Variants in GPM6A observed in about 807,000 individuals in gnomAD.
GPM6A encodes the protein neuronal membrane glycoprotein M6-a.
In GPM6A, 7 loss-of-function variants were observed where a neutral mutation model predicts 32.1. That is an observed-to-expected ratio of 0.22 (90% CI 0.12 to 0.41). GPM6A has a LOEUF of 0.41. Among genes scored for constraint, GPM6A ranks in the 10% least tolerant of loss-of-function variants. The probability of loss-of-function intolerance (pLI) is 1.00; values close to 1 mark genes in which losing one functional copy is unlikely to be tolerated. For synonymous variants in GPM6A, 130 were observed against 123.4 expected, an observed-to-expected ratio of 1.05 and a Z score of -0.35; for missense variants, 235 against 347.2, an observed-to-expected ratio of 0.68 and a Z score of 2.57.
chr4:175,856,068 G>GA (rs1381272864), intron 1 of GPM6A, among the ~76,000 whole-genome samples: 6 of 151,888 alleles, frequency 4.0e-5, no homozygotes, highest in Admixed American at 3.9e-4. Context: ...TTTAGTTCAA[G>GA]AAAAAAGGAA....
rs139098334 is a variant in GPM6A at position 175,848,304 on chromosome 4, A to G, written c.-22-36055T>C. Among the ~76,000 whole-genome samples the G allele has an allele frequency of 2.8e-3, 424 of 152,322 alleles. 1 individual carries two copies. The highest frequency in any genetic ancestry group is 9.9e-3 in the African/African-American group (411 of 41,580). On this transcript the variant is annotated intron_variant, in intron 1 of 7. Transcript: ENST00000280187. Reference sequence around the variant, plus strand: ...CCCCTAATGAAAAGCCTTTTCCAACATAACTATCTTTCCATTTACCTCTGA... The same window carrying G: ...CCCCTAATGAAAAGCCTTTTCCAACGTAACTATCTTTCCATTTACCTCTGA...
intron 1 of GPM6A, among the ~76,000 whole-genome samples, chr4:175,744,734 T>G (rs111937019): frequency 1.3e-5 from 2 of 152,152 alleles, no homozygotes; most frequent in African/African-American, 4.8e-5. Flanking sequence ...AGATAAACAT[T>G]GAAACCTTCA....
chr4:175,991,617 T>C (rs1741148463), intron 1 of GPM6A, among the ~76,000 whole-genome samples: 1 of 152,174 alleles, frequency 6.6e-6, no homozygotes, highest in Admixed American at 6.5e-5. Flanking sequence ...CTACTAAATA[T>C]AATGTGTCTT....
chr4:175,840,915 A>G (rs1018748898), intron 1 of GPM6A, among the ~76,000 whole-genome samples: 2 of 152,218 alleles, frequency 1.3e-5, no homozygotes, highest in South Asian at 2.1e-4. Flanking sequence ...GTTGGGCTCA[A>G]ATTACTTTTT....
At chr4:175,863,736 T>A (rs1273667150) in intron 1 of GPM6A, among the ~76,000 whole-genome samples, 1 of 152,218 alleles carries the variant, frequency 6.6e-6, no homozygotes, top group Non-Finnish European at 1.5e-5. Flanking sequence ...GCACAGTGGC[T>A]CACATCTGTA....
chr4:175,973,412 T>C (rs1740565212), intron 1 of GPM6A, among the ~76,000 whole-genome samples: 1 of 152,238 alleles, frequency 6.6e-6, no homozygotes, highest in Non-Finnish European at 1.5e-5. Context: ...ATGAAAGCTG[T>C]GACTCCTTTG....
chr4:175,849,117 T>G (rs1210825841), intron 1 of GPM6A, among the ~76,000 whole-genome samples: 4 of 152,194 alleles, frequency 2.6e-5, no homozygotes, highest in African/African-American at 9.6e-5. Flanking sequence ...ATGTTTCTTA[T>G]CCAGACATAT....
intron 3 of GPM6A, among the ~76,000 whole-genome samples, chr4:175,655,430 C>A (rs755495684): frequency 2.0e-5 from 3 of 151,802 alleles, no homozygotes; most frequent in African/African-American, 7.3e-5. Flanking sequence ...CGTAGAAAAT[C>A]TTTTTATGTA....
chr4:175,764,497 T>A (rs10030496), intron 1 of GPM6A, among the ~76,000 whole-genome samples: 7,131 of 152,206 alleles, frequency 0.047, 565 homozygotes, highest in African/African-American at 0.16. Context: ...ATAACGTATG[T>A]CATGTGATAG....
chr4:175,639,149 A>G (rs867237871), intron 6 of GPM6A, among the ~76,000 whole-genome samples: 46 of 152,318 alleles, frequency 3.0e-4, no homozygotes, highest in African/African-American at 1.1e-3. Context: ...TATTGAATAT[A>G]TATGTAAGTC....
intron 1 of GPM6A, among the ~76,000 whole-genome samples, chr4:175,970,496 C>T (rs1474232621): frequency 2.0e-5 from 3 of 152,164 alleles, no homozygotes; most frequent in East Asian, 1.9e-4. Flanking sequence ...TATGTATTTA[C>T]TGACAAACGT....
intron 1 of GPM6A, among the ~76,000 whole-genome samples, chr4:175,904,957 G>A (rs1333337982): frequency 6.6e-6 from 1 of 152,100 alleles, no homozygotes; most frequent in Admixed American, 6.6e-5. Flanking sequence ...AAGTTCAGTG[G>A]CTGGTGCCCT....
intron 1 of GPM6A, among the ~76,000 whole-genome samples, chr4:175,936,853 C>A (rs1739255312): frequency 6.6e-6 from 1 of 151,612 alleles, no homozygotes; most frequent in Non-Finnish European, 1.5e-5. Flanking sequence ...AATAAAAAGG[C>A]AAGTAAGTAA....
At chr4:175,708,352 GAGA>G (rs1172476687) in intron 1 of GPM6A, among the ~76,000 whole-genome samples, 1 of 143,712 alleles carries the variant, frequency 7.0e-6, no homozygotes, top group Non-Finnish European at 1.5e-5. Flanking sequence ...GGCTATCTGG[GAGA>G]AGGTTTATTT....
chr4:175,814,249 A>C (rs1261165822), upstream of GPM6A, among the ~76,000 whole-genome samples: 1 of 152,354 alleles, frequency 6.6e-6, no homozygotes, highest in Non-Finnish European at 1.5e-5. Flanking sequence ...ACCCGTTGTA[A>C]GTCAAATGGG....
intron 2 of GPM6A, among the ~76,000 whole-genome samples, chr4:175,697,793 T>G (rs1198964289): frequency 2.0e-5 from 3 of 152,140 alleles, no homozygotes; most frequent in Non-Finnish European, 4.4e-5. Context: ...GACAAAACAG[T>G]ATAATGGGTG....
intron 1 of GPM6A, among the ~76,000 whole-genome samples, chr4:175,887,176 A>G (rs1193680034): frequency 6.6e-6 from 1 of 152,014 alleles, no homozygotes; most frequent in East Asian, 1.9e-4. Context: ...AACACCAATC[A>G]ATTATCAAGC....
At chr4:175,848,173 G>A (rs576969157) in intron 1 of GPM6A, among the ~76,000 whole-genome samples, 4 of 152,216 alleles carry the variant, frequency 2.6e-5, no homozygotes, top group South Asian at 4.1e-4. Flanking sequence ...GTGACTCTCC[G>A]CATTCTAGCG....
chr4:175,650,524 C>T (rs1198965895), intron 4 of GPM6A, among the ~76,000 whole-genome samples: 2 of 151,992 alleles, frequency 1.3e-5, no homozygotes, highest in South Asian at 2.1e-4. Flanking sequence ...ACGCTGGTCT[C>T]GAACTCCTGA....
Sources: allele counts gnomAD v4.1 joint callset (sites outside exome capture counted in the v4.1 genomes callset), GRCh38; gene constraint gnomAD v4.1.1; transcripts MANE v1.5; gene names NCBI Gene and HGNC (gene_info 2026-07-23, HGNC 2026-07-21).